DLG2: variants seen among roughly 807,000 people sequenced by gnomAD.
DLG2 encodes discs large MAGUK scaffold protein 2.
A neutral mutation model predicts 132.5 loss-of-function variants in DLG2; 45 were observed. That is an observed-to-expected ratio of 0.34 (90% CI 0.27 to 0.44). The LOEUF (loss-of-function observed/expected upper bound fraction) is 0.44. Among genes scored for constraint, DLG2 ranks in the 20% least tolerant of loss-of-function variants. DLG2 has a pLI of 1.00. For synonymous variants in DLG2, 424 were observed against 419.6 expected (o/e 1.01, Z -0.13); for missense variants, 1,045 against 1,196.9 (o/e 0.87, Z 1.87).
intron 10 of DLG2, among the ~76,000 whole-genome samples, chr11:84,083,518 G>A (rs538491822): frequency 6.6e-6 from 1 of 152,268 alleles, no homozygotes; most frequent in African/African-American, 2.4e-5. Context: ...TGGGAGGTCA[G>A]GCCTAATAAC....
At position 85,256,626 on chromosome 11, in the gene DLG2, T is replaced by C. The variant is rs138406016; in HGVS notation, c.186+28594A>G. Among the ~76,000 whole-genome samples the C allele has an allele frequency of 8.1e-3, 1,227 of 152,186 alleles. 14 individuals carry two copies. Among genetic ancestry groups the C allele is most frequent in the Non-Finnish European group, 9.2e-3 (626 of 67,998 alleles). ...CGGAGCCCAAAATGCTCACCCTAGCTCCTGCACCCGCCCATCTGCATGCTC... is the reference window on the plus strand; with the variant it reads ...CGGAGCCCAAAATGCTCACCCTAGCCCCTGCACCCGCCCATCTGCATGCTC... On this transcript the variant is annotated intron_variant, in intron 4 of 27. Coordinates refer to ENST00000376104, the MANE Select transcript of DLG2 (RefSeq NM_001142699.3).
At chr11:85,071,874 C>A (rs2065911300) in intron 6 of DLG2, among the ~76,000 whole-genome samples, 1 of 151,816 alleles carries the variant, frequency 6.6e-6, no homozygotes, top group African/African-American at 2.4e-5. Context: ...GAAAACATTT[C>A]TCTAAAAATG....
intron 9 of DLG2, among the ~76,000 whole-genome samples, chr11:84,149,302 T>A (rs2095210971): frequency 6.6e-6 from 1 of 152,206 alleles, no homozygotes; most frequent in Non-Finnish European, 1.5e-5. Flanking sequence ...AATGCCAATG[T>A]TGAGAAGGGT....
chr11:85,308,890 A>G (rs922507805), intron 3 of DLG2, among the ~76,000 whole-genome samples: 1 of 152,042 alleles, frequency 6.6e-6, no homozygotes, highest in Non-Finnish European at 1.5e-5. Context: ...AAATACTACT[A>G]TTGTTATTAT....
At chr11:84,877,159 C>T (rs2154050806) in intron 6 of DLG2, among the ~76,000 whole-genome samples, 1 of 152,164 alleles carries the variant, frequency 6.6e-6, no homozygotes, top group East Asian at 1.9e-4. Flanking sequence ...AATGTATATT[C>T]TGTTGATTTG....
intron 6 of DLG2, among the ~76,000 whole-genome samples, chr11:84,558,503 C>G (rs1363847307): frequency 6.6e-6 from 1 of 152,084 alleles, no homozygotes; most frequent in Non-Finnish European, 1.5e-5. Context: ...AACTCTAAAC[C>G]AATCAGGGCT....
At chr11:84,269,543 C>G (rs999703577) in intron 7 of DLG2, among the ~76,000 whole-genome samples, 1 of 152,142 alleles carries the variant, frequency 6.6e-6, no homozygotes, top group African/African-American at 2.4e-5. Context: ...TATGGTATTA[C>G]AGTGATTTGC....
At chr11:85,122,665 T>C (rs2074461862) in intron 5 of DLG2, among the ~76,000 whole-genome samples, 2 of 151,912 alleles carry the variant, frequency 1.3e-5, no homozygotes, top group Non-Finnish European at 2.9e-5. Context: ...GATTCAGTAG[T>C]TTCACACGGG....
At chr11:85,252,982 A>T (rs1171318182) in intron 4 of DLG2, among the ~76,000 whole-genome samples, 3 of 152,208 alleles carry the variant, frequency 2.0e-5, no homozygotes, top group African/African-American at 7.2e-5. Context: ...TTTTTAAAAA[A>T]TTCTAAACCT....
intron 7 of DLG2, among the ~76,000 whole-genome samples, chr11:84,433,684 A>C (rs754411591): frequency 1.3e-5 from 2 of 152,240 alleles, no homozygotes; most frequent in Non-Finnish European, 2.9e-5. Flanking sequence ...ACTTTTTTCA[A>C]AAAGAGAGCA....
chr11:83,542,731 C>A (rs1368135833), intron 19 of DLG2, among the ~76,000 whole-genome samples: 15 of 152,148 alleles, frequency 9.9e-5, no homozygotes, highest in Admixed American at 9.8e-4. Context: ...TAGCTGTCAT[C>A]ATTAAGAGGT....
chr11:83,672,296 T>A (rs11233709), intron 18 of DLG2, among the ~76,000 whole-genome samples: 1 of 151,824 alleles, frequency 6.6e-6, no homozygotes, highest in African/African-American at 2.4e-5. Context: ...GTGATTCTCC[T>A]GCCTCAGCCT....
At chr11:84,788,147 A>G (rs1251192613) in intron 6 of DLG2, among the ~76,000 whole-genome samples, 3 of 150,858 alleles carry the variant, frequency 2.0e-5, no homozygotes, top group South Asian at 2.1e-4. Flanking sequence ...AACCACATCA[A>G]TCTCCACAAG....
At chr11:83,664,485 G>A (rs959338103) in intron 18 of DLG2, among the ~76,000 whole-genome samples, 5 of 151,986 alleles carry the variant, frequency 3.3e-5, no homozygotes, top group Admixed American at 6.6e-5. Flanking sequence ...CTGAGGGGTG[G>A]ACAGGTAGAG....
At chr11:84,969,676 T>C (rs953151304) in intron 6 of DLG2, among the ~76,000 whole-genome samples, 4 of 152,204 alleles carry the variant, frequency 2.6e-5, no homozygotes, top group Admixed American at 2.6e-4. Context: ...CTGAAATCTA[T>C]AGTTAATCAG....
intron 6 of DLG2, among the ~76,000 whole-genome samples, chr11:84,777,573 T>C (rs547425260): frequency 6.6e-6 from 1 of 151,978 alleles, no homozygotes; most frequent in East Asian, 1.9e-4. Context: ...ACTAACAGTG[T>C]ATAAGAGTTC....
At chr11:84,164,021 C>T (rs2095607201) in intron 8 of DLG2, among the ~76,000 whole-genome samples, 1 of 152,034 alleles carries the variant, frequency 6.6e-6, no homozygotes, top group South Asian at 2.1e-4. Context: ...TAAATCATCC[C>T]CATCATCCTT....
intron 18 of DLG2, among the ~76,000 whole-genome samples, chr11:83,776,647 T>C (rs2094593734): frequency 6.6e-6 from 1 of 152,228 alleles, no homozygotes; most frequent in African/African-American, 2.4e-5. Context: ...TCTCTGCTTC[T>C]CTCTTCTGCC....
intron 11 of DLG2, among the ~76,000 whole-genome samples, chr11:84,007,052 T>A (rs962050944): frequency 4.0e-5 from 6 of 151,744 alleles, no homozygotes; most frequent in Admixed American, 3.9e-4. Flanking sequence ...CTTTACTACC[T>A]CACTCGATCA....
Sources: allele counts gnomAD v4.1 joint callset (sites outside exome capture counted in the v4.1 genomes callset), GRCh38; gene constraint gnomAD v4.1.1; transcripts MANE v1.5; gene names NCBI Gene and HGNC (gene_info 2026-07-23, HGNC 2026-07-21).